Variants in DNAJC1 observed in about 807,000 individuals in gnomAD.
DNAJC1 encodes dnaJ homolog subfamily C member 1.
In DNAJC1, 58 loss-of-function variants were observed where a neutral mutation model predicts 76.6. The ratio of observed to expected loss-of-function variants is 0.76; its 90% confidence interval spans 0.61 to 0.94. The LOEUF is 0.94. Ranked by LOEUF, DNAJC1 falls within the 40% of genes least tolerant of loss-of-function variation. The pLI is 0.00. For synonymous variants in DNAJC1, 258 were observed against 267.9 expected (o/e 0.96, Z 0.36); for missense variants, 689 against 677.3 (o/e 1.02, Z -0.19).
At chr10:21,846,191 T>A (rs574996731) in intron 8 of DNAJC1, among the ~76,000 whole-genome samples, 2 of 152,308 alleles carry the variant, frequency 1.3e-5, no homozygotes, top group East Asian at 3.9e-4. Context: ...GTAGTTTGCG[T>A]ACAATGTCTG....
rs138755339 is a variant in DNAJC1 at position 21,958,718 on chromosome 10, G to A, written c.223-29577C>T. 5.6e-3 allele frequency among the ~76,000 whole-genome samples: 848 copies of A among 152,088 alleles called. 5 individuals carry two copies. The highest frequency in any genetic ancestry group is 0.019 in the African/African-American group (790 of 41,478). ...TGGGATTACAGGAGTGAGCCACCGC[G>A]CCTGGCCCAGATTTGCCTTTTCTAG... is the stretch of plus-strand genomic sequence containing the variant. On this transcript the variant is annotated intron_variant, in intron 1 of 11. Transcript: ENST00000376980.
chr10:21,886,754 C>T (rs1370594226), intron 7 of DNAJC1, among the ~76,000 whole-genome samples: 1 of 152,006 alleles, frequency 6.6e-6, no homozygotes. Flanking sequence ...ACAGAAAAAG[C>T]TTTCAATAAA....
At chr10:21,766,628 C>CT (rs1834302840) in intron 9 of DNAJC1, among the ~76,000 whole-genome samples, 1 of 151,644 alleles carries the variant, frequency 6.6e-6, no homozygotes, top group Admixed American at 6.6e-5. Context: ...TTTTTTAATA[C>CT]TTTAAGTTCT....
intron 3 of DNAJC1, among the ~76,000 whole-genome samples, chr10:21,926,140 C>T (rs1468742517): frequency 5.9e-5 from 9 of 152,110 alleles, no homozygotes; most frequent in East Asian, 1.9e-4. Context: ...TTTGCAGAGA[C>T]GAGGTTTTGT....
intron 9 of DNAJC1, among the ~76,000 whole-genome samples, chr10:21,794,584 G>C (rs1834732172): frequency 6.6e-6 from 1 of 151,956 alleles, no homozygotes; most frequent in South Asian, 2.1e-4. Context: ...ATGGATCTTA[G>C]ACTTAAATGT....
At chr10:21,847,479 T>C (rs968927025) in intron 8 of DNAJC1, among the ~76,000 whole-genome samples, 4 of 152,182 alleles carry the variant, frequency 2.6e-5, no homozygotes, top group Admixed American at 2.0e-4. Flanking sequence ...TTTTGAAATA[T>C]ACAACAAATT....
intron 8 of DNAJC1, among the ~76,000 whole-genome samples, chr10:21,865,004 A>T (rs915863459): frequency 1.3e-5 from 2 of 152,146 alleles, no homozygotes; most frequent in African/African-American, 4.8e-5. Flanking sequence ...GAAAATCAGA[A>T]TCACAACGAC....
intron 1 of DNAJC1, among the ~76,000 whole-genome samples, chr10:21,998,089 A>G (rs1838447492): frequency 6.6e-6 from 1 of 152,016 alleles, no homozygotes; most frequent in African/African-American, 2.4e-5. Context: ...GTCCCAAAAG[A>G]CAATTAAAAG....
chr10:21,941,804 A>G (rs566719932), intron 1 of DNAJC1, among the ~76,000 whole-genome samples: 1 of 152,270 alleles, frequency 6.6e-6, no homozygotes, highest in Non-Finnish European at 1.5e-5. Flanking sequence ...AAAGAAAAAA[A>G]GAAGAGGAAG....
At position 22,003,470 on chromosome 10, in the gene DNAJC1, T is replaced by C; in HGVS notation, c.-36A>G. The C allele has an allele frequency of 7.5e-7, 1 of 1,331,548 alleles. No individual in the cohort carries two copies. The highest frequency in any genetic ancestry group is 2.1e-5 in the South Asian group (1 of 47,480). The allele number at this position is 1,331,548 out of a possible 1,614,324, so 82.5% of individuals were successfully genotyped here. The stretch of plus-strand genomic sequence containing the variant: ...TCGGAAAGGTCACCCGCCGCGCAGC[T>C]CCGTTGGCCGAGAGCTGGGACGTGG... On this transcript the variant is annotated 5_prime_UTR_variant, in exon 1 of 12. Coordinates refer to ENST00000376980, the MANE Select transcript of DNAJC1 (RefSeq NM_022365.4).
intron 1 of DNAJC1, among the ~76,000 whole-genome samples, chr10:21,946,393 T>C (rs1837505777): frequency 1.3e-5 from 2 of 151,888 alleles, no homozygotes; most frequent in South Asian, 2.1e-4. Context: ...ATTTCCTTAA[T>C]TACAGAGAAA....
chr10:21,877,635 C>T (rs1439531926), intron 8 of DNAJC1, among the ~76,000 whole-genome samples: 1 of 152,090 alleles, frequency 6.6e-6, no homozygotes, highest in Non-Finnish European at 1.5e-5. Flanking sequence ...TGCATACTTA[C>T]CAGAATGGAT....
chr10:21,790,756 CT>C (rs1834675018), intron 9 of DNAJC1, among the ~76,000 whole-genome samples: 1 of 151,912 alleles, frequency 6.6e-6, no homozygotes, highest in Non-Finnish European at 1.5e-5. Flanking sequence ...AGGATCAAAT[CT>C]TAATATTACA....
At chr10:21,938,600 A>G (rs1405937346) in intron 1 of DNAJC1, among the ~76,000 whole-genome samples, 1 of 152,228 alleles carries the variant, frequency 6.6e-6, no homozygotes, top group East Asian at 1.9e-4. Context: ...AGCCACAGAC[A>G]ATACATACAC....
intron 6 of DNAJC1, 74 bp from the exon 7 acceptor site, chr10:21,904,686 C>G: frequency 1.1e-6 from 1 of 899,092 alleles, no homozygotes. Flanking sequence ...TGTAACTTAA[C>G]TTTAAAGCAT....
chr10:21,834,088 C>T (rs909990221), intron 8 of DNAJC1, among the ~76,000 whole-genome samples: 1 of 151,980 alleles, frequency 6.6e-6, no homozygotes, highest in African/African-American at 2.4e-5. Flanking sequence ...CACGGTGAAA[C>T]CCCATCTCTA....
intron 8 of DNAJC1, among the ~76,000 whole-genome samples, chr10:21,843,685 C>T (rs1226601197): frequency 6.6e-6 from 1 of 152,074 alleles, no homozygotes; most frequent in Non-Finnish European, 1.5e-5. Context: ...AGCCACTGTG[C>T]CTGGCCTACT....
At chr10:21,841,523 C>G (rs1835573952) in intron 8 of DNAJC1, among the ~76,000 whole-genome samples, 1 of 152,176 alleles carries the variant, frequency 6.6e-6, no homozygotes, top group Admixed American at 6.5e-5. Flanking sequence ...CACTGGCCAT[C>G]AGAGAAATGC....
intron 9 of DNAJC1, among the ~76,000 whole-genome samples, chr10:21,782,955 A>G (rs1250303056): frequency 1.3e-5 from 2 of 152,172 alleles, no homozygotes; most frequent in South Asian, 2.1e-4. Flanking sequence ...CATTGAATTG[A>G]CAAAAACTGG....
Sources: gnomAD v4.1 joint callset for allele counts (sites outside exome capture counted in the v4.1 genomes callset) on GRCh38, gnomAD v4.1.1 for gene constraint, MANE v1.5 for transcripts, NCBI Gene and HGNC (gene_info 2026-07-23, HGNC 2026-07-21) for gene names.